ZNF419: variants seen among roughly 807,000 people sequenced by gnomAD.
The protein encoded by ZNF419 is zinc finger protein 419, also known as zinc finger protein 419A.
A neutral mutation model predicts 14.9 loss-of-function variants in ZNF419; 8 were observed. The ratio of observed to expected loss-of-function variants is 0.54; its 90% CI spans 0.32 to 0.97. ZNF419 has a LOEUF of 0.97. ZNF419 is among the 50% of genes least tolerant of loss of function. ZNF419 has a pLI of 0.04. For synonymous variants in ZNF419, 211 were observed against 205.3 expected, an observed-to-expected ratio of 1.03 and a Z score of -0.24; for missense variants, 595 against 607.2, an observed-to-expected ratio of 0.98 and a Z score of 0.21.
rs1382745861 is a variant in ZNF419, at chr19:57,493,808, T to A, written c.1251T>A (p.His417Gln). The A allele has an allele frequency of 2.5e-6, 4 of 1,614,098 alleles. No homozygotes were observed. In the Admixed American group the frequency reaches 6.7e-5, roughly 27 times the overall value. Residue 417 changes from histidine (H) to glutamine (Q), a missense_variant, in exon 5 of 5, where the codon CAT becomes CAA. His to Gln is a conservative substitution (Grantham distance 24). Transcript: ENST00000221735. ...GAGAGAATTCCACCCTAGTTAGACA[T>A]CAGAGGGTTCACACTGGAGCAAAGC... is the stretch of plus-strand genomic sequence containing the variant. ...FFRENSTLVRHQRVHTGAKPY... is the reference protein window; with the variant it reads ...FFRENSTLVRQQRVHTGAKPY...
rs536014740 is a variant in ZNF419, at chr19:57,488,245, G to A, written c.33+262G>A. The A allele has an allele frequency of 4.6e-5, 25 of 540,142 alleles. No homozygotes were observed. The South Asian group carries it at 6.9e-4, about 15-fold the overall frequency. 33.5% of individuals were successfully genotyped at this position (540,142 alleles called of 1,614,324 possible). Reference sequence around the variant, plus strand: ...CGAGGCGCGTGTCGAGCGACAGCCCGAGCAGCTGCGCTTTCATCCTGAGGG... The same window carrying A: ...CGAGGCGCGTGTCGAGCGACAGCCCAAGCAGCTGCGCTTTCATCCTGAGGG... On this transcript the variant is annotated intron_variant, in intron 1 of 4. Coordinates refer to ENST00000221735, the MANE Select transcript of ZNF419 (RefSeq NM_024691.4).
intron 4 of ZNF419, 66 bp downstream of exon 4, chr19:57,492,277 C>G: frequency 6.4e-7 from 1 of 1,553,540 alleles, no homozygotes; most frequent in Non-Finnish European, 8.9e-7. Context: ...ACCAGTAGGC[C>G]CAGATATTTT....
intron 2 of ZNF419, 163 bp downstream of exon 2, chr19:57,490,348 A>G (rs1197123009): frequency 6.0e-6 from 3 of 502,404 alleles, no homozygotes; most frequent in Admixed American, 3.8e-5. Context: ...TCCAGACTAT[A>G]TATTATTTTT....
chr19:57,489,941 A>C (rs542168721), intron 1 of ZNF419: 2 of 583,132 alleles, frequency 3.4e-6, no homozygotes, highest in South Asian at 4.1e-5. Flanking sequence ...AAATACCATT[A>C]TTATTGCCAT....
In ZNF419 at chr19:57,495,275, G is replaced by C. The variant is rs1241199215; in HGVS notation, c.*1185G>C. ...AGCCTCCCAAAGTGCTGGGATTACA[G>C]GCATGAGCCACCATGCTTGGCCTTG... On this transcript the variant is annotated 3_prime_UTR_variant, in exon 5 of 5. Coordinates refer to ENST00000221735, the MANE Select transcript of ZNF419 (RefSeq NM_024691.4). The C allele has an allele frequency of 6.6e-6, 1 of 152,202 alleles. No individual in the cohort carries two copies. The highest frequency in any genetic ancestry group is 1.5e-5 in the Non-Finnish European group (1 of 68,086). The allele number at this position is 152,202 out of a possible 1,614,324, so 9.4% of individuals were successfully genotyped here. A position where few individuals can be genotyped will look rare whatever the true frequency, so the allele number is the denominator to read the frequency against.
In ZNF419 at chr19:57,487,941, A is replaced by G. The variant is rs541370432; in HGVS notation, c.-10A>G. 6.2e-7 allele frequency: 1 copy of G among 1,613,650 alleles called. No homozygotes were observed. The highest frequency in any genetic ancestry group is 1.3e-5 in the African/African-American group (1 of 74,964). Reference sequence around the variant, plus strand: ...CATTGTCTCCCCTCCAGCTCTACTCACAGGCTCCGATGGCGGCGGCCGCCC... The same window carrying G: ...CATTGTCTCCCCTCCAGCTCTACTCGCAGGCTCCGATGGCGGCGGCCGCCC... On this transcript the variant is annotated 5_prime_UTR_variant, in exon 1 of 5. Transcript: ENST00000221735.
In ZNF419 at chr19:57,487,863, C is replaced by T. The variant is rs2123180828; in HGVS notation, c.-88C>T. 1.9e-6 allele frequency: 3 copies of T among 1,583,416 alleles called. No homozygotes were observed. The South Asian group carries it at 3.3e-5, about 18-fold the overall frequency. ...TCACGCTGTTCTCGCCGCTCAGAGG[C>T]GGGTCTGAGGCTCGGTGGCGGCGCC... is the stretch of plus-strand genomic sequence containing the variant. On this transcript the variant is annotated 5_prime_UTR_variant, in exon 1 of 5. Transcript: ENST00000221735.
chr19:57,488,733 G>A (rs1177543978), intron 1 of ZNF419: 2 of 152,264 alleles, frequency 1.3e-5, no homozygotes, highest in Non-Finnish European at 2.9e-5. Context: ...ATCTGGGCTG[G>A]AGATATGGTA....
Position 57,493,932 on chromosome 19 carries a change from G to A in ZNF419, c.1375G>A (p.Glu459Lys), listed in dbSNP as rs377557523. 8 of 1,613,840 alleles carry A rather than the reference G, an allele frequency of 5.0e-6. No homozygotes were observed. The African/African-American group carries it at 1.1e-4, about 22-fold the overall frequency. ...HIGEKPFKCNECGRLFRENSS... is the reference protein window; with the variant it reads ...HIGEKPFKCNKCGRLFRENSS... ...TGGAGAAAAGCCTTTTAAGTGCAAT[G>A]AATGTGGGAGATTGTTTAGAGAGAA... Residue 459 changes from glutamate (E) to lysine (K), a missense_variant, in exon 5 of 5, where the codon GAA becomes AAA. Glu to Lys is a moderately conservative substitution (Grantham distance 56). Transcript: ENST00000221735.
intron 3 of ZNF419, 169 bp from the exon 4 acceptor site, chr19:57,491,944 C>T (rs757451826): frequency 4.4e-5 from 29 of 666,516 alleles, no homozygotes; most frequent in Admixed American, 6.7e-5. Context: ...ACCTGGGTGT[C>T]GGTCTGTGCC....
chr19:57,488,766 GC>G (rs1326030995), intron 1 of ZNF419: 1 of 152,224 alleles, frequency 6.6e-6, no homozygotes, highest in Non-Finnish European at 1.5e-5. Context: ...TTGGGTAGAG[GC>G]CTGGACTAGG....
At position 57,490,182 on chromosome 19, in the gene ZNF419, G is replaced by A. The variant is rs746366873; in HGVS notation, c.69G>A (p.Glu23=). The A allele has an allele frequency of 9.3e-6, 15 of 1,613,262 alleles. No individual in the cohort carries two copies. The highest frequency in any genetic ancestry group is 8.8e-5 in the South Asian group (8 of 90,778). Residue 23 remains glutamate (E), a synonymous_variant, in exon 2 of 5, where the codon GAG becomes GAA. Coordinates refer to ENST00000221735, the MANE Select transcript of ZNF419 (RefSeq NM_024691.4). ...CTGCAGACTTGCTTACAGACCATGA[G>A]GAGGTAAGTGGAGGATGTCTCAGGT... The part of the protein sequence containing the change: ...PVAADLLTDH[E]EGYVTFEDVA...
At chr19:57,491,885 T>G in intron 3 of ZNF419, 1 of 659,746 alleles carries the variant, frequency 1.5e-6, no homozygotes, top group Non-Finnish European at 2.7e-6. Context: ...TGTGCAGATC[T>G]GTGGTAGTTC....
chr19:57,487,978 G>GC lies in ZNF419; in HGVS notation c.29dup (p.Gln11SerfsTer13). 2 of 1,613,702 alleles carry GC rather than the reference G, an allele frequency of 1.2e-6. No individual in the cohort carries two copies. The highest frequency in any genetic ancestry group is 4.5e-5 in the East Asian group (2 of 44,866). ...GGCGGCGGCCGCCCTGAGGGACCCC[G>GC]CTCAGGTGAGCGCCGCGTCCTCCTG... On this transcript the variant is annotated frameshift_variant, in exon 1 of 5. Coordinates refer to ENST00000221735, the MANE Select transcript of ZNF419 (RefSeq NM_024691.4). LOFTEE classifies it high-confidence loss of function.
At chr19:57,490,596 C>T (rs777951612) in intron 2 of ZNF419, 37 of 159,796 alleles carry the variant, frequency 2.3e-4, no homozygotes, top group East Asian at 5.6e-4. Flanking sequence ...ATGATCCGCC[C>T]GCCTTGGCCT....
chr19:57,489,016 T>A (rs1156715283), intron 1 of ZNF419: 3 of 152,230 alleles, frequency 2.0e-5, no homozygotes, highest in African/African-American at 7.2e-5. Flanking sequence ...CACTCCAGGC[T>A]CAGCAGTTCC....
At chr19:57,491,382 G>A in intron 2 of ZNF419, 89 bp from the exon 3 acceptor site, 2 of 1,571,694 alleles carry the variant, frequency 1.3e-6, no homozygotes, top group South Asian at 2.4e-5. Context: ...GATTAAGGAA[G>A]AGGGTGAGCA....
chr19:57,494,403 A>G lies in ZNF419; in HGVS notation c.*313A>G, dbSNP rs1402150119. On this transcript the variant is annotated 3_prime_UTR_variant, in exon 5 of 5. Transcript: ENST00000221735. ...GATGGCCTTTATGAGGGAGCTGGCA[A>G]TTGAACATCATTCATCTAAATATGC... The G allele has an allele frequency of 2.3e-5, 7 of 302,258 alleles. No individual in the cohort carries two copies. Among genetic ancestry groups the G allele is most frequent in the Non-Finnish European group, 3.5e-5 (6 of 169,446 alleles). The allele number at this position is 302,258 out of a possible 1,614,324, so 18.7% of individuals were successfully genotyped here.
chr19:57,487,786 G>T lies in ZNF419; in HGVS notation c.-165G>T. 7 of 947,194 alleles carry T rather than the reference G, an allele frequency of 7.4e-6. No individual in the cohort carries two copies. Among genetic ancestry groups the T allele is most frequent in the African/African-American group, 1.6e-5 (1 of 60,760 alleles). 58.7% of individuals were successfully genotyped at this position (947,194 alleles called of 1,614,324 possible). ...TCGCGACTCAGGTGAACTAACCTGC[G>T]AGAAGCTGGTTGTGCGCTGAGGCGA... is the stretch of plus-strand genomic sequence containing the variant. On this transcript the variant is annotated 5_prime_UTR_variant, in exon 1 of 5. Coordinates refer to ENST00000221735, the MANE Select transcript of ZNF419 (RefSeq NM_024691.4).
Sources: gnomAD v4.1 joint callset for allele counts on GRCh38, gnomAD v4.1.1 for gene constraint, MANE v1.5 for transcripts, NCBI Gene and HGNC (gene_info 2026-07-23, HGNC 2026-07-21) for gene names.